Variants in SLC25A48 observed in about 807,000 individuals in gnomAD.
SLC25A48 encodes the protein CTC-321K16.1.
In SLC25A48, 29 loss-of-function variants were observed where a neutral mutation model predicts 32.2. That is an observed-to-expected ratio of 0.90 (90% CI 0.67 to 1.23). The LOEUF (loss-of-function observed/expected upper bound fraction) is 1.23, where lower values mean the gene tolerates loss of function less well. SLC25A48 is among the 50% of genes most tolerant of loss of function. The pLI, the probability that SLC25A48 is intolerant of heterozygous loss-of-function variation, is 0.00. For synonymous variants in SLC25A48, 164 were observed against 172.3 expected (o/e 0.95, Z 0.38); for missense variants, 399 against 422.7 (o/e 0.94, Z 0.49).
intron 3 of SLC25A48, among the ~76,000 whole-genome samples, chr5:135,785,790 G>T (rs1262329322): frequency 6.7e-6 from 1 of 148,666 alleles, no homozygotes; most frequent in Non-Finnish European, 1.5e-5. Context: ...GTAATATCCA[G>T]GGGGCGAGAG....
chr5:135,635,686 A>G (rs766047388), intron 3 of SLC25A48, among the ~76,000 whole-genome samples: 2 of 152,234 alleles, frequency 1.3e-5, no homozygotes, highest in Non-Finnish European at 2.9e-5. Flanking sequence ...TGGTATAAAT[A>G]GTCCCACCAC....
rs190086176 is a variant in SLC25A48, at chr5:135,610,698, T to C, written c.-848-18539T>C. On this transcript the variant is annotated intron_variant, in intron 1 of 10. Coordinates refer to the SLC25A48 transcript ENST00000646290. ...TCCAAAAGCATGATTATGTTTACTT[T>C]CCTGCCTAAAACTTCAGTACTTGGA... 1.9e-3 allele frequency among the ~76,000 whole-genome samples: 290 copies of C among 152,376 alleles called. 1 individual carries two copies. Among genetic ancestry groups the C allele is most frequent in the Middle Eastern group, 0.014 (4 of 294 alleles).
chr5:135,751,122 A>G (rs1431264078), intron 3 of SLC25A48, among the ~76,000 whole-genome samples: 1 of 152,190 alleles, frequency 6.6e-6, no homozygotes, highest in African/African-American at 2.4e-5. Context: ...CAGCCCGTGC[A>G]CTGGCTGGTG....
chr5:135,690,556 CTA>C (rs1365606690), intron 3 of SLC25A48, among the ~76,000 whole-genome samples: 24 of 152,308 alleles, frequency 1.6e-4, no homozygotes, highest in Admixed American at 1.5e-3. Context: ...TACTGCTCTG[CTA>C]TGATTTGCAG....
chr5:135,816,456 C>A (rs1041727342), intron 4 of SLC25A48, among the ~76,000 whole-genome samples: 18 of 152,180 alleles, frequency 1.2e-4, no homozygotes, highest in Non-Finnish European at 2.1e-4. Context: ...AATTTGAATT[C>A]CAGCCCTGCC....
intron 3 of SLC25A48, among the ~76,000 whole-genome samples, 185 bp from the exon 4 acceptor site, chr5:135,852,378 C>T (rs1759943576): frequency 1.3e-5 from 2 of 152,218 alleles, no homozygotes; most frequent in Non-Finnish European, 2.9e-5. Context: ...CCGGGCTGTC[C>T]TCGGAGCAAG....
chr5:135,798,694 G>C (rs748707992), intron 3 of SLC25A48, among the ~76,000 whole-genome samples: 21 of 150,900 alleles, frequency 1.4e-4, no homozygotes, highest in Non-Finnish European at 3.0e-4. Flanking sequence ...AATCGCAGGG[G>C]GTGTACACTC....
Position 135,837,565 on chromosome 5 carries a change from T to G in SLC25A48, c.46+2672T>G, listed in dbSNP as rs946606801. Among the ~76,000 whole-genome samples, 23 of 152,170 alleles carry G rather than the reference T, an allele frequency of 1.5e-4. 1 individual carries two copies. Among genetic ancestry groups the G allele is most frequent in the Admixed American group, 1.4e-3 (22 of 15,286 alleles). The stretch of plus-strand genomic sequence containing the variant: ...CATCTTGAATTGTAGCTCCCATAAT[T>G]CCACATGTCATGGGAGGGACCCCTG... On this transcript the variant is annotated intron_variant, in intron 1 of 7. Coordinates refer to ENST00000681962, the MANE Select transcript of SLC25A48 (RefSeq NM_001349336.2).
At chr5:135,820,904 G>A (rs1293508541) in intron 4 of SLC25A48, among the ~76,000 whole-genome samples, 1 of 152,216 alleles carries the variant, frequency 6.6e-6, no homozygotes, top group East Asian at 1.9e-4. Flanking sequence ...AGCCATGCCT[G>A]AGCCTGGAGA....
In SLC25A48 at chr5:135,732,160, G is replaced by T. The variant is rs1225071982; in HGVS notation, c.-520-80363G>T. Among the ~76,000 whole-genome samples, 4 of 152,370 alleles carry T rather than the reference G, an allele frequency of 2.6e-5. No homozygotes were observed. The East Asian group carries it at 5.8e-4, about 22-fold the overall frequency. On this transcript the variant is annotated intron_variant, in intron 3 of 10. Transcript: ENST00000646290. The stretch of plus-strand genomic sequence containing the variant: ...TTTTAAGTTGGTGGCTGAGCTTGGT[G>T]AGGTGTGTTTTTAAAAGACCATTAG...
At chr5:135,872,596 A>G (rs1379886391) in intron 5 of SLC25A48, 1 of 152,246 alleles carries the variant, frequency 6.6e-6, no homozygotes, top group Non-Finnish European at 1.5e-5. Context: ...TGGTGCACCC[A>G]AGTATACACA....
intron 3 of SLC25A48, among the ~76,000 whole-genome samples, chr5:135,764,499 G>GT (rs1025897453): frequency 5.3e-5 from 8 of 151,634 alleles, no homozygotes; most frequent in Non-Finnish European, 5.9e-5. Flanking sequence ...TCTCCAGCAG[G>GT]TGAGAGGGTG....
intron 4 of SLC25A48, among the ~76,000 whole-genome samples, chr5:135,868,016 A>G (rs1761336688): frequency 6.6e-6 from 1 of 152,224 alleles, no homozygotes; most frequent in Non-Finnish European, 1.5e-5. Flanking sequence ...TGTAAACAAA[A>G]CAGTTTATTT....
At chr5:135,587,543 T>A (rs1301956710) in intron 1 of SLC25A48, among the ~76,000 whole-genome samples, 1 of 152,174 alleles carries the variant, frequency 6.6e-6, no homozygotes, top group African/African-American at 2.4e-5. Context: ...GTGAGAAGAT[T>A]GTGACTAATT....
At chr5:135,749,200 G>A (rs1318318112) in intron 3 of SLC25A48, among the ~76,000 whole-genome samples, 1 of 151,828 alleles carries the variant, frequency 6.6e-6, no homozygotes, top group Non-Finnish European at 1.5e-5. Flanking sequence ...TGGCAAGGAA[G>A]AAATGCCTAC....
intron 4 of SLC25A48, among the ~76,000 whole-genome samples, chr5:135,855,950 T>C (rs964186499): frequency 1.3e-5 from 2 of 152,302 alleles, no homozygotes; most frequent in South Asian, 2.1e-4. Flanking sequence ...CAAACCCTCA[T>C]CTCTCGTTCC....
In SLC25A48 at chr5:135,780,898, T is replaced by G. The variant is rs181986724; in HGVS notation, c.-520-31625T>G. The stretch of plus-strand genomic sequence containing the variant: ...GGAGAGGATAATATTACTCCCAATA[T>G]TCCAGGGAGTGTACATCCCCCCGTA... On this transcript the variant is annotated intron_variant, in intron 3 of 10. Coordinates refer to the SLC25A48 transcript ENST00000646290. Among the ~76,000 whole-genome samples, 476 of 116,770 alleles carry G rather than the reference T, an allele frequency of 4.1e-3. 64 individuals are homozygous for G. The highest frequency in any genetic ancestry group is 0.012 in the African/African-American group (460 of 38,406). 76.6% of individuals were successfully genotyped at this position (116,770 alleles called of 152,430 possible).
At chr5:135,649,231 A>G (rs780915429) in intron 3 of SLC25A48, 1 of 152,216 alleles carries the variant, frequency 6.6e-6, no homozygotes, top group African/African-American at 2.4e-5. Context: ...GTCTTGTGGG[A>G]TAAGATTATT....
At chr5:135,873,219 T>C (rs11242303) in intron 5 of SLC25A48, among the ~76,000 whole-genome samples, 121,824 of 152,190 alleles carry the variant, frequency 0.8, 49,001 homozygotes, top group Middle Eastern at 0.87. Context: ...CTAAGGTCTC[T>C]TTTGAGAGCT....
Sources: allele counts gnomAD v4.1 joint callset (sites outside exome capture counted in the v4.1 genomes callset), GRCh38; gene constraint gnomAD v4.1.1; transcripts MANE v1.5; gene names NCBI Gene and HGNC (gene_info 2026-07-23, HGNC 2026-07-21).